MDN1: variants seen among roughly 807,000 people sequenced by gnomAD.
MDN1 encodes midasin AAA ATPase 1.
A neutral mutation model predicts 669.2 loss-of-function variants in MDN1; 266 were observed. The observed-to-expected ratio is 0.40, with a 90% confidence interval of 0.36 to 0.44. The LOEUF (loss-of-function observed/expected upper bound fraction) is 0.44. Ranked by LOEUF, MDN1 falls within the 20% of genes least tolerant of loss-of-function variation. The pLI is 1.00. For missense variants in MDN1, 5,940 were observed against 6,754.0 expected (o/e 0.88, Z 4.22); for synonymous variants, 2,385 against 2,457.1 (o/e 0.97, Z 0.87).
Position 89,749,579 on chromosome 6 carries a change from G to A in MDN1, c.3579C>T (p.Ala1193=), listed in dbSNP as rs1163287325. 1.2e-6 allele frequency: 2 copies of A among 1,614,012 alleles called. No homozygotes were observed. The highest frequency in any genetic ancestry group is 1.7e-6 in the Non-Finnish European group (2 of 1,180,024). The change falls in exon 25 of 102, where the codon GCC becomes GCT. Residue 1193 remains alanine (A), a synonymous_variant. Transcript: ENST00000369393. ...CATAAAGTCCTGGGGGATTTTGGGT[G>A]GCAAAAAGCATAAACCGAGGGTGTG... ...VKAHPRFMLF[A]TQNPPGLYGG...
At chr6:89,665,659 A>C (rs1450455794) in intron 84 of MDN1, among the ~76,000 whole-genome samples, 1 of 145,984 alleles carries the variant, frequency 6.9e-6, no homozygotes, top group Non-Finnish European at 1.5e-5. Context: ...GCAAGCTGAG[A>C]TCATACTACT....
At chr6:89,686,168 T>A (rs149625307) in intron 69 of MDN1, among the ~76,000 whole-genome samples, 195 bp from the exon 70 acceptor site, 1 of 152,194 alleles carries the variant, frequency 6.6e-6, no homozygotes, top group African/African-American at 2.4e-5. Context: ...CTCACGCCTG[T>A]AATCCCAGCA....
intron 77 of MDN1, 31 bp from the exon 78 acceptor site, chr6:89,675,610 G>A: frequency 6.3e-7 from 1 of 1,585,168 alleles, no homozygotes; most frequent in Non-Finnish European, 8.7e-7. Flanking sequence ...ATGCTGAAGG[G>A]GCTGCTGACA....
At chr6:89,646,793 G>GTTTT (rs769980067) in intron 99 of MDN1, among the ~76,000 whole-genome samples, 190 bp from the exon 100 acceptor site, 29 of 152,198 alleles carry the variant, frequency 1.9e-4, no homozygotes, top group African/African-American at 6.7e-4. Context: ...CAGACATTCT[G>GTTTT]TTTTTTAATT....
In MDN1 at chr6:89,783,627, T is replaced by C. The variant is rs186761632; in HGVS notation, c.1449+1385A>G. 2.3e-3 allele frequency among the ~76,000 whole-genome samples: 354 copies of C among 152,282 alleles called. 1 individual carries two copies. The highest frequency in any genetic ancestry group is 3.3e-3 in the Non-Finnish European group (223 of 68,022). On this transcript the variant is annotated intron_variant, in intron 9 of 101. Transcript: ENST00000369393. ...TGCCCTTTGAAGCATGTGATCTTTGTACCCACTCCCTGTTCTTACACCCCC... is the reference window on the plus strand; with the variant it reads ...TGCCCTTTGAAGCATGTGATCTTTGCACCCACTCCCTGTTCTTACACCCCC...
rs557829665 is a variant in MDN1 at position 89,755,689 on chromosome 6, G to A, written c.2816+588C>T. Among the ~76,000 whole-genome samples, 57 of 152,264 alleles carry A rather than the reference G, an allele frequency of 3.7e-4. No individual in the cohort carries two copies. In the South Asian group the frequency reaches 9.5e-3, roughly 25 times the overall value. ...CTGGAGAACACACAATTAAGTTACT[G>A]GCCCAGAATGACACAATTAGTTTCT... is the stretch of plus-strand genomic sequence containing the variant. On this transcript the variant is annotated intron_variant, in intron 20 of 101. Coordinates refer to ENST00000369393, the MANE Select transcript of MDN1 (RefSeq NM_014611.3).
chr6:89,650,496 C>G (rs911617169), intron 96 of MDN1, among the ~76,000 whole-genome samples: 1 of 152,142 alleles, frequency 6.6e-6, no homozygotes, highest in Non-Finnish European at 1.5e-5. Context: ...GTGAGTAACA[C>G]CTATAGCAAG....
At chr6:89,778,937 A>ATAAATAG (rs1818498148) in intron 11 of MDN1, among the ~76,000 whole-genome samples, 2 of 149,106 alleles carry the variant, frequency 1.3e-5, no homozygotes, top group African/African-American at 4.9e-5. Context: ...TAAATAAAAA[A>ATAAATAG]AAAGGTATAG....
chr6:89,693,089 T>C lies in MDN1; in HGVS notation c.9941A>G (p.Gln3314Arg). Residue 3314 changes from glutamine to arginine, a missense_variant, in exon 63 of 102, where the codon CAG (glutamine) becomes CGG (arginine). Gln to Arg is a conservative substitution (Grantham distance 43). Transcript: ENST00000369393. ...DNLTCHLLKK[Q>R]AFRPQLPAYE... ...GGCAGGCAGCTGGGGTCTAAAGGCCTGTTTCTTCAACAGGTGACAGGTTAA... is the reference window on the plus strand; with the variant it reads ...GGCAGGCAGCTGGGGTCTAAAGGCCCGTTTCTTCAACAGGTGACAGGTTAA... The C allele has an allele frequency of 4.3e-6, 7 of 1,613,268 alleles. No homozygotes were observed. Among genetic ancestry groups the C allele is most frequent in the Non-Finnish European group, 5.9e-6 (7 of 1,179,702 alleles).
chr6:89,707,495 A>G lies in MDN1; in HGVS notation c.7899-19T>C. On this transcript the variant is annotated intron_variant, in intron 51 of 101. Transcript: ENST00000369393. ...GATTGTCCTGGAATGAGATTCAAAA[A>G]ACGTAACAAATAGCTATCGGTTAAT... 6.9e-7 allele frequency: 1 copy of G among 1,439,290 alleles called. No individual in the cohort carries two copies. Among genetic ancestry groups the G allele is most frequent in the Non-Finnish European group, 9.8e-7 (1 of 1,021,060 alleles). The allele number at this position is 1,439,290 out of a possible 1,614,324, so 89.2% of individuals were successfully genotyped here.
chr6:89,659,897 A>T (rs928736478), intron 88 of MDN1, among the ~76,000 whole-genome samples: 6 of 152,038 alleles, frequency 3.9e-5, no homozygotes, highest in Admixed American at 3.3e-4. Context: ...TTATTTTTTT[A>T]TTTTTTTGAG....
intron 29 of MDN1, among the ~76,000 whole-genome samples, 162 bp from the exon 30 acceptor site, chr6:89,743,876 T>C (rs1816425437): frequency 6.6e-6 from 1 of 152,038 alleles, no homozygotes; most frequent in Admixed American, 6.5e-5. Flanking sequence ...GGCACCCCTC[T>C]ACACGACTGC....
intron 37 of MDN1, among the ~76,000 whole-genome samples, chr6:89,727,186 G>T (rs1408209805): frequency 6.6e-6 from 1 of 152,182 alleles, no homozygotes; most frequent in Non-Finnish European, 1.5e-5. Flanking sequence ...CCTCTCTGAT[G>T]ATCAGACCCA....
chr6:89,685,797 T>C (rs747417676), intron 70 of MDN1, 30 bp downstream of exon 70: 4 of 1,606,880 alleles, frequency 2.5e-6, no homozygotes, highest in Admixed American at 3.4e-5. Context: ...AGTCGTGCAA[T>C]GTCAAAGGAA....
rs1262207594 is a variant in MDN1, at chr6:89,700,103, T to C, written c.8830A>G (p.Lys2944Glu). 1.2e-6 allele frequency: 2 copies of C among 1,614,204 alleles called. No individual in the cohort carries two copies. Among genetic ancestry groups the C allele is most frequent in the East Asian group, 4.5e-5 (2 of 44,888 alleles). The stretch of plus-strand genomic sequence containing the variant: ...TGTGCCATAAAATCAGCTGTCACTT[T>C]GTACCGCCAAAGCATAGCCAGGTAC... ...MEYLAMLWRY[K>E]VTADFMAQAC... Residue 2944 changes from lysine to glutamate, a missense_variant, in exon 57 of 102, where the codon AAA (lysine) becomes GAA (glutamate). This residue lies in a region of MDN1 where 2,292 missense variants were observed against 2,638.3 expected (regional missense o/e 0.87). Transcript: ENST00000369393.
chr6:89,800,772 G>A (rs1241077803), intron 2 of MDN1, among the ~76,000 whole-genome samples: 1 of 152,268 alleles, frequency 6.6e-6, no homozygotes, highest in East Asian at 1.9e-4. Flanking sequence ...TGTCTAGAGA[G>A]GGGGTGTGCA....
rs750275055 is a variant in MDN1, at chr6:89,780,297, TA to T, written c.1644-5del. 82 of 1,534,782 alleles carry T rather than the reference TA, an allele frequency of 5.3e-5. 1 individual carries two copies. The highest frequency in any genetic ancestry group is 1.1e-4 in the Admixed American group (5 of 47,342). On this transcript the variant is annotated splice_polypyrimidine_tract_variant and splice_region_variant and intron_variant, in intron 10 of 101. Coordinates refer to ENST00000369393, the MANE Select transcript of MDN1 (RefSeq NM_014611.3). ...ATTACACCAATTCAGCAGATCCCTT[TA>T]AAAAAAAGAAAGAAAAGAAAAAACA...
chr6:89,802,655 C>T (rs1379334320), intron 2 of MDN1, among the ~76,000 whole-genome samples: 2 of 151,826 alleles, frequency 1.3e-5, no homozygotes. Context: ...TGCCACTGCA[C>T]TCTAGCCTGG....
rs775441873 is a variant in MDN1, at chr6:89,654,331, A to T, written c.15494T>A (p.Val5165Glu). The change falls in exon 93 of 102, where the codon GTG becomes GAG. Residue 5165 changes from valine to glutamate, a missense_variant. By Grantham distance (121) the Val-to-Glu change is moderately radical. Transcript: ENST00000369393. ...SDAYDAQTYD[V>E]ASKEQQQSAK... ...AGACTGTTGCTGTTCTTTGCTGGCCACATCTGTCAACAAAGCACGCACCCA... is the reference window on the plus strand; with the variant it reads ...AGACTGTTGCTGTTCTTTGCTGGCCTCATCTGTCAACAAAGCACGCACCCA... 3.7e-6 allele frequency: 6 copies of T among 1,614,016 alleles called. No homozygotes were observed. The highest frequency in any genetic ancestry group is 1.3e-5 in the African/African-American group (1 of 74,914).
Sources: gnomAD v4.1 joint callset for allele counts (sites outside exome capture counted in the v4.1 genomes callset) on GRCh38, gnomAD v4.1.1 for gene constraint, gnomAD v4.1.1 regional missense constraint, MANE v1.5 for transcripts, NCBI Gene and HGNC (gene_info 2026-07-23, HGNC 2026-07-21) for gene names.